ARB2A: variants seen among roughly 807,000 people sequenced by gnomAD.
The protein encoded by ARB2A is cotranscriptional regulator ARB2A.
the ARB2A span, among the ~76,000 whole-genome samples, chr5:93,622,705 G>C: frequency 6.6e-6 from 1 of 152,064 alleles, no homozygotes; most frequent in African/African-American, 2.4e-5. Flanking sequence ...CCCCAACTCA[G>C]ACTAAAAATG....
chr5:93,634,931 C>T, the ARB2A span, among the ~76,000 whole-genome samples: 12 of 152,208 alleles, frequency 7.9e-5, no homozygotes, highest in Admixed American at 2.6e-4. Context: ...CGTGCCACCA[C>T]GCCCGGCTAA....
At chr5:93,649,424 C>T in the ARB2A span, among the ~76,000 whole-genome samples, 1 of 152,128 alleles carries the variant, frequency 6.6e-6, no homozygotes, top group Non-Finnish European at 1.5e-5. Flanking sequence ...TGCCTTCCTG[C>T]ATGTGCAGGC....
At chr5:93,967,549 T>C in the ARB2A span, among the ~76,000 whole-genome samples, 1 of 152,034 alleles carries the variant, frequency 6.6e-6, no homozygotes, top group African/African-American at 2.4e-5. Flanking sequence ...GAGGAACTGC[T>C]GGCGGGGTGT....
the ARB2A span, among the ~76,000 whole-genome samples, chr5:93,685,991 A>C: frequency 6.6e-6 from 1 of 152,192 alleles, no homozygotes; most frequent in Non-Finnish European, 1.5e-5. Flanking sequence ...CCTCTAATAT[A>C]ATAAAGGCAA....
the ARB2A span, among the ~76,000 whole-genome samples, chr5:94,041,832 T>C: frequency 6.6e-6 from 1 of 152,138 alleles, no homozygotes; most frequent in African/African-American, 2.4e-5. Context: ...CCCCTAGCTA[T>C]GACGGAAAGA....
At chr5:93,987,521 C>T in the ARB2A span, among the ~76,000 whole-genome samples, 10 of 152,270 alleles carry the variant, frequency 6.6e-5, no homozygotes, top group African/African-American at 1.9e-4. Flanking sequence ...TCCATCTCAA[C>T]TCCATTTTTC....
At chr5:93,872,841 C>T in the ARB2A span, among the ~76,000 whole-genome samples, 10 of 151,796 alleles carry the variant, frequency 6.6e-5, no homozygotes, top group African/African-American at 2.2e-4. Context: ...GGCGTGAACC[C>T]GGGAGGCAGA....
chr5:93,882,161 G>T, the ARB2A span, among the ~76,000 whole-genome samples: 1 of 150,834 alleles, frequency 6.6e-6, no homozygotes, highest in Non-Finnish European at 1.5e-5. Context: ...TTATTTGTCT[G>T]AACAATTAAA....
the ARB2A span, among the ~76,000 whole-genome samples, chr5:93,748,755 A>G: frequency 6.6e-6 from 1 of 152,180 alleles, no homozygotes; most frequent in South Asian, 2.1e-4. Flanking sequence ...AGCTAAAAAT[A>G]AAAAAGAAAA....
chr5:93,821,012 T>C, the ARB2A span, among the ~76,000 whole-genome samples: 6 of 152,096 alleles, frequency 3.9e-5, no homozygotes, highest in Non-Finnish European at 5.9e-5. Flanking sequence ...TGAATATTGG[T>C]TTTGAAAAAA....
the ARB2A span, chr5:93,784,266 C>G: frequency 8.8e-6 from 6 of 684,140 alleles, no homozygotes; most frequent in African/African-American, 3.6e-5. Flanking sequence ...TATTTCCTCT[C>G]AATGTTCTGC....
chr5:94,064,247 C>A, the ARB2A span, among the ~76,000 whole-genome samples: 5 of 152,036 alleles, frequency 3.3e-5, no homozygotes, highest in South Asian at 2.1e-4. Context: ...CTAGATCAAG[C>A]AGACCAATGC....
chr5:93,733,986 A>G, the ARB2A span: 1 of 152,242 alleles, frequency 6.6e-6, no homozygotes, highest in Admixed American at 6.5e-5. Context: ...CCCATGAGAC[A>G]GACTTGGTAT....
chr5:93,767,108 G>A, the ARB2A span, among the ~76,000 whole-genome samples: 1 of 152,064 alleles, frequency 6.6e-6, no homozygotes, highest in Non-Finnish European at 1.5e-5. Flanking sequence ...GTTACTGGGT[G>A]CAGCACACCA....
chr5:93,769,722 T>C, the ARB2A span, among the ~76,000 whole-genome samples: 11 of 152,284 alleles, frequency 7.2e-5, no homozygotes, highest in East Asian at 1.7e-3. Context: ...AACAAGATGG[T>C]CATGATGAGC....
chr5:93,965,859 T>C, the ARB2A span, among the ~76,000 whole-genome samples: 1 of 152,076 alleles, frequency 6.6e-6, no homozygotes, highest in East Asian at 1.9e-4. Context: ...AAATTCTTTC[T>C]TCTATGTATA....
At chr5:94,062,742 A>G in the ARB2A span, among the ~76,000 whole-genome samples, 1 of 152,194 alleles carries the variant, frequency 6.6e-6, no homozygotes, top group Non-Finnish European at 1.5e-5. Context: ...ATAGAGCTGC[A>G]TTCTGTCCCC....
chr5:94,046,895 T>C, the ARB2A span, among the ~76,000 whole-genome samples: 1 of 152,184 alleles, frequency 6.6e-6, no homozygotes, highest in South Asian at 2.1e-4. Flanking sequence ...ATTATTGGTA[T>C]ATAACCAGAA....
At chr5:93,887,941 G>A in the ARB2A span, among the ~76,000 whole-genome samples, 6 of 151,924 alleles carry the variant, frequency 3.9e-5, no homozygotes, top group East Asian at 1.2e-3. Flanking sequence ...GCACACAAAA[G>A]GTGAAATTGT....
Sources: allele counts gnomAD v4.1 joint callset (sites outside exome capture counted in the v4.1 genomes callset), GRCh38; gene constraint gnomAD v4.1.1; transcripts MANE v1.5; gene names NCBI Gene and HGNC (gene_info 2026-07-23, HGNC 2026-07-21).